Variants in WDR7 observed in about 807,000 individuals in gnomAD.
WDR7 encodes the protein WD repeat domain 7.
A neutral mutation model predicts 169.4 loss-of-function variants in WDR7; 46 were observed. The observed-to-expected ratio is 0.27, with a 90% CI of 0.21 to 0.35. WDR7 has a LOEUF of 0.35. Ranked by LOEUF, WDR7 falls within the 10% of genes least tolerant of loss-of-function variation. The pLI is 1.00. For missense variants in WDR7, 1,534 were observed against 1,859.3 expected (o/e 0.83, Z 3.22); for synonymous variants, 612 against 666.8 (o/e 0.92, Z 1.27).
chr18:56,920,472 G>A (rs1233498933), intron 21 of WDR7, among the ~76,000 whole-genome samples: 1 of 152,162 alleles, frequency 6.6e-6, no homozygotes, highest in African/African-American at 2.4e-5. Context: ...ACATAGTAGA[G>A]TATAGCAATT....
intron 7 of WDR7, among the ~76,000 whole-genome samples, chr18:56,690,152 T>G (rs2144612987): frequency 6.6e-6 from 1 of 152,038 alleles, no homozygotes; most frequent in South Asian, 2.1e-4. Flanking sequence ...AAGAGCAGAG[T>G]TTTTAGCTTT....
chr18:56,955,091 A>G (rs1346428723), intron 25 of WDR7, among the ~76,000 whole-genome samples: 2 of 152,174 alleles, frequency 1.3e-5, no homozygotes, highest in African/African-American at 4.8e-5. Flanking sequence ...TTTATCCCAT[A>G]TGGTGATTAC....
intron 20 of WDR7, among the ~76,000 whole-genome samples, chr18:56,873,150 G>A (rs909592951): frequency 6.6e-6 from 1 of 152,016 alleles, no homozygotes; most frequent in Non-Finnish European, 1.5e-5. Context: ...GTTAATGAAG[G>A]GCTATCATCT....
intron 1 of WDR7, among the ~76,000 whole-genome samples, chr18:56,661,498 C>A (rs2024903414): frequency 6.6e-6 from 1 of 152,144 alleles, no homozygotes; most frequent in African/African-American, 2.4e-5. Flanking sequence ...GTCTCTCATG[C>A]ACTCAGGGCT....
At chr18:56,828,349 A>G (rs189783944) in intron 20 of WDR7, among the ~76,000 whole-genome samples, 2 of 152,354 alleles carry the variant, frequency 1.3e-5, no homozygotes, top group Admixed American at 1.3e-4. Flanking sequence ...TGCAGCTTTA[A>G]AAGAAAAAGT....
At chr18:56,789,515 G>T (rs1000310697) in intron 19 of WDR7, among the ~76,000 whole-genome samples, 1 of 152,190 alleles carries the variant, frequency 6.6e-6, no homozygotes, top group African/African-American at 2.4e-5. Flanking sequence ...CCATTTTGTG[G>T]AACAAAGCAA....
chr18:56,830,714 C>T (rs9950016), intron 20 of WDR7, among the ~76,000 whole-genome samples: 22,387 of 152,170 alleles, frequency 0.15, 1,883 homozygotes, highest in African/African-American at 0.22. Context: ...TGTCCCAGCA[C>T]ACTTTTTTTT....
At chr18:56,694,112 G>C (rs1212385235) in intron 9 of WDR7, among the ~76,000 whole-genome samples, 1 of 151,468 alleles carries the variant, frequency 6.6e-6, no homozygotes, top group Non-Finnish European at 1.5e-5. Flanking sequence ...GGCCTCAAGC[G>C]ATCTTCCGTG....
At chr18:56,945,786 A>G (rs1385884401) in intron 25 of WDR7, among the ~76,000 whole-genome samples, 1 of 152,130 alleles carries the variant, frequency 6.6e-6, no homozygotes, top group African/African-American at 2.4e-5. Context: ...ATTCTTATGA[A>G]CACTAAACTT....
At chr18:56,681,467 C>A in intron 4 of WDR7, 76 bp downstream of exon 4, 2 of 968,790 alleles carry the variant, frequency 2.1e-6, no homozygotes, top group South Asian at 2.5e-5. Context: ...AAACATTGAG[C>A]CTATATTTTT....
At chr18:56,659,002 C>T (rs561810023) in intron 1 of WDR7, among the ~76,000 whole-genome samples, 1 of 152,270 alleles carries the variant, frequency 6.6e-6, no homozygotes, top group Non-Finnish European at 1.5e-5. Context: ...AGGCTTGAGC[C>T]ACCGCGCCCG....
At chr18:56,848,236 T>G (rs561345714) in intron 20 of WDR7, among the ~76,000 whole-genome samples, 1 of 152,354 alleles carries the variant, frequency 6.6e-6, no homozygotes, top group South Asian at 2.1e-4. Flanking sequence ...ACTGTTCTGC[T>G]GGGTTTCAGA....
chr18:57,023,899 A>T (rs56388614), intron 27 of WDR7, among the ~76,000 whole-genome samples: 92 of 152,346 alleles, frequency 6.0e-4, no homozygotes, highest in Non-Finnish European at 1.2e-3. Context: ...GTAGAATACT[A>T]TTCAGCCATT....
chr18:56,866,025 A>T (rs939674112), intron 20 of WDR7, among the ~76,000 whole-genome samples: 15 of 152,178 alleles, frequency 9.9e-5, no homozygotes, highest in Non-Finnish European at 1.5e-4. Context: ...TGGCATAGGC[A>T]TCAAATATTA....
intron 25 of WDR7, 43 bp downstream of exon 25, chr18:56,939,436 T>C (rs769102943): frequency 1.3e-5 from 19 of 1,444,626 alleles, no homozygotes; most frequent in Non-Finnish European, 1.8e-5. Context: ...TAATTTTCAG[T>C]AACAAATAAT....
intron 25 of WDR7, among the ~76,000 whole-genome samples, chr18:56,944,058 G>A (rs1322901804): frequency 3.0e-5 from 4 of 135,450 alleles, no homozygotes; most frequent in Non-Finnish European, 6.0e-5. Flanking sequence ...GCGCAATCTC[G>A]GCTCACTGCA....
At chr18:56,682,084 A>T (rs2025360474) in intron 4 of WDR7, among the ~76,000 whole-genome samples, 1 of 152,222 alleles carries the variant, frequency 6.6e-6, no homozygotes, top group Non-Finnish European at 1.5e-5. Context: ...TATTGAGCAG[A>T]TACAGTGTAG....
At chr18:56,768,475 G>T (rs907623711) in intron 16 of WDR7, among the ~76,000 whole-genome samples, 5 of 151,976 alleles carry the variant, frequency 3.3e-5, no homozygotes, top group African/African-American at 1.2e-4. Context: ...AGTTATTTTT[G>T]TCTCCTAACA....
chr18:57,000,787 A>G (rs1246747863), intron 26 of WDR7, among the ~76,000 whole-genome samples: 3 of 152,220 alleles, frequency 2.0e-5, no homozygotes, highest in Non-Finnish European at 2.9e-5. Flanking sequence ...TTTATTAAAG[A>G]TAGCTCTTAA....
Sources: allele counts gnomAD v4.1 joint callset (sites outside exome capture counted in the v4.1 genomes callset), GRCh38; gene constraint gnomAD v4.1.1; transcripts MANE v1.5; gene names NCBI Gene and HGNC (gene_info 2026-07-23, HGNC 2026-07-21).